AUTS2: variants seen among roughly 807,000 people sequenced by gnomAD.
AUTS2 encodes activator of transcription and developmental regulator AUTS2, also known as autism susceptibility gene 2 protein.
Under a neutral mutation model 112.4 loss-of-function variants are expected in AUTS2, and 17 were observed. The ratio of observed to expected loss-of-function variants is 0.15; its 90% CI spans 0.10 to 0.23. The LOEUF is 0.23. AUTS2 is among the 10% of genes least tolerant of loss of function. The probability of loss-of-function intolerance (pLI) is 1.00; values close to 1 mark genes in which losing one functional copy is unlikely to be tolerated. For missense variants in AUTS2, 1,510 were observed against 1,701.6 expected (o/e 0.89, Z 1.98); for synonymous variants, 751 against 702.7 (o/e 1.07, Z -1.09).
chr7:69,964,415 TAATAA>T (rs1797553151), intron 2 of AUTS2, among the ~76,000 whole-genome samples: 1 of 152,194 alleles, frequency 6.6e-6, no homozygotes, highest in Non-Finnish European at 1.5e-5. Flanking sequence ...AAGAGATGGT[TAATAA>T]AATATAAACT....
chr7:70,023,126 T>C (rs1800348667), intron 2 of AUTS2, among the ~76,000 whole-genome samples: 1 of 152,212 alleles, frequency 6.6e-6, no homozygotes. Context: ...ATTACATGTG[T>C]GAGCCACTGT....
chr7:70,666,213 G>GAT (rs1264618776), intron 5 of AUTS2, among the ~76,000 whole-genome samples: 7 of 152,164 alleles, frequency 4.6e-5, no homozygotes, highest in Admixed American at 6.5e-5. Flanking sequence ...TCTGCAAAAT[G>GAT]GGAATAATGA....
chr7:70,168,644 G>A (rs1159765136), intron 4 of AUTS2, among the ~76,000 whole-genome samples: 3 of 152,162 alleles, frequency 2.0e-5, no homozygotes, highest in African/African-American at 7.2e-5. Flanking sequence ...AGCAGAATTT[G>A]TCTAGATGTT....
Position 70,486,973 on chromosome 7 carries a change from C to T in AUTS2, c.690+51192C>T, listed in dbSNP as rs61636976. ...AGCTGAAGCAGAGCTTTTCTAGGCCCCACAGGGCCTTTCCCTGTAGGCATG... is the reference window on the plus strand; with the variant it reads ...AGCTGAAGCAGAGCTTTTCTAGGCCTCACAGGGCCTTTCCCTGTAGGCATG... On this transcript the variant is annotated intron_variant, in intron 5 of 18. Coordinates refer to ENST00000342771, the MANE Select transcript of AUTS2 (RefSeq NM_015570.4). Among the ~76,000 whole-genome samples the T allele has an allele frequency of 1.5e-3, 233 of 151,098 alleles. 2 individuals carry two copies. Among genetic ancestry groups the T allele is most frequent in the African/African-American group, 5.4e-3 (223 of 41,054 alleles).
intron 5 of AUTS2, among the ~76,000 whole-genome samples, chr7:70,660,109 A>G (rs910693596): frequency 2.6e-5 from 4 of 152,060 alleles, no homozygotes; most frequent in Admixed American, 2.0e-4. Flanking sequence ...ACCAGGAGGC[A>G]GAGGTTGCAG....
intron 1 of AUTS2, among the ~76,000 whole-genome samples, chr7:69,761,958 C>T (rs919823544): frequency 7.9e-5 from 12 of 152,128 alleles, no homozygotes; most frequent in Non-Finnish European, 1.6e-4. Context: ...TATTGGGTAC[C>T]TACTATATGT....
intron 5 of AUTS2, among the ~76,000 whole-genome samples, chr7:70,528,590 G>C (rs11978913): frequency 0.36 from 54,848 of 151,830 alleles, 10,435 homozygotes; most frequent in Middle Eastern, 0.46. Context: ...GGTGAGCAAG[G>C]ATCCACAGGT....
intron 6 of AUTS2, among the ~76,000 whole-genome samples, chr7:70,719,615 C>T (rs1810559870): frequency 6.6e-6 from 1 of 152,120 alleles, no homozygotes; most frequent in South Asian, 2.1e-4. Flanking sequence ...AGGCTCCTGC[C>T]ACCATGCCCA....
At chr7:69,612,770 A>G (rs1452495081) in intron 1 of AUTS2, among the ~76,000 whole-genome samples, 1 of 151,962 alleles carries the variant, frequency 6.6e-6, no homozygotes, top group East Asian at 1.9e-4. Context: ...TTTCTTATGT[A>G]TTGTTATTCT....
intron 1 of AUTS2, among the ~76,000 whole-genome samples, chr7:69,697,793 C>A (rs1214997548): frequency 6.6e-6 from 1 of 152,176 alleles, no homozygotes; most frequent in Non-Finnish European, 1.5e-5. Context: ...TGTAACAAGA[C>A]CAAGTTAAGT....
chr7:70,271,734 T>G (rs183624505), intron 4 of AUTS2, among the ~76,000 whole-genome samples: 1 of 152,330 alleles, frequency 6.6e-6, no homozygotes, highest in East Asian at 1.9e-4. Context: ...AAAACAGCAA[T>G]TATGTGTAAA....
chr7:70,547,124 G>A (rs1312310996), intron 5 of AUTS2, among the ~76,000 whole-genome samples: 5 of 152,088 alleles, frequency 3.3e-5, no homozygotes, highest in Admixed American at 6.5e-5. Flanking sequence ...CATCATTCCA[G>A]TAAAATCCCT....
chr7:70,594,745 T>A (rs1369924318), intron 5 of AUTS2, among the ~76,000 whole-genome samples: 1 of 151,984 alleles, frequency 6.6e-6, no homozygotes, highest in Admixed American at 6.6e-5. Context: ...GGTGAGTGAG[T>A]GTGTTCACTT....
intron 2 of AUTS2, among the ~76,000 whole-genome samples, chr7:70,039,964 A>G (rs191499628): frequency 1.5e-3 from 221 of 152,310 alleles, no homozygotes; most frequent in Non-Finnish European, 2.5e-3. Flanking sequence ...ATTTAAATTT[A>G]GGCAGTGGGG....
intron 2 of AUTS2, among the ~76,000 whole-genome samples, chr7:70,093,985 G>A (rs904441954): frequency 6.6e-6 from 1 of 152,210 alleles, no homozygotes; most frequent in African/African-American, 2.4e-5. Context: ...ATCTCTTTGT[G>A]ATTTGACTCA....
chr7:69,885,628 G>C (rs1794240698), intron 1 of AUTS2, among the ~76,000 whole-genome samples: 1 of 152,204 alleles, frequency 6.6e-6, no homozygotes, highest in Admixed American at 6.5e-5. Flanking sequence ...AGCAGGATTA[G>C]AGCCAAGGGA....
chr7:70,628,010 A>G (rs1176439637), intron 5 of AUTS2, among the ~76,000 whole-genome samples: 1 of 152,170 alleles, frequency 6.6e-6, no homozygotes, highest in African/African-American at 2.4e-5. Flanking sequence ...CACCTGGCTG[A>G]TGGAAGAGCA....
At chr7:69,941,271 TG>T (rs144920491) in intron 2 of AUTS2, among the ~76,000 whole-genome samples, 5,524 of 152,188 alleles carry the variant, frequency 0.036, 129 homozygotes, top group Non-Finnish European at 0.056. Flanking sequence ...TGCACAACAG[TG>T]GGAGGGACGG....
At chr7:70,083,135 A>G (rs965958207) in intron 2 of AUTS2, among the ~76,000 whole-genome samples, 1 of 152,026 alleles carries the variant, frequency 6.6e-6, no homozygotes, top group Non-Finnish European at 1.5e-5. Flanking sequence ...TCTTTCCCTG[A>G]TGATTGTTTT....
Sources: allele counts gnomAD v4.1 joint callset (sites outside exome capture counted in the v4.1 genomes callset), GRCh38; gene constraint gnomAD v4.1.1; transcripts MANE v1.5; gene names NCBI Gene and HGNC (gene_info 2026-07-23, HGNC 2026-07-21).